CNST: variants seen among roughly 807,000 people sequenced by gnomAD.
The protein encoded by CNST is consortin.
Under a neutral mutation model 72.4 loss-of-function variants are expected in CNST, and 39 were observed. That is an observed-to-expected ratio of 0.54 (90% CI 0.42 to 0.70). The LOEUF (loss-of-function observed/expected upper bound fraction) is 0.70. CNST is among the 30% of genes least tolerant of loss of function. The probability of loss-of-function intolerance (pLI) is 0.00; values close to 1 mark genes in which losing one functional copy is unlikely to be tolerated. For missense variants in CNST, 871 were observed against 868.5 expected (o/e 1.00, Z -0.04); for synonymous variants, 332 against 320.1 (o/e 1.04, Z -0.40).
rs575904003 is a variant in CNST at position 246,576,350 on chromosome 1, G to A, written c.-52+9687G>A. Among the ~76,000 whole-genome samples, 7 of 135,754 alleles carry A rather than the reference G, an allele frequency of 5.2e-5. No individual in the cohort carries two copies. In the East Asian group the frequency reaches 1.6e-3, roughly 31 times the overall value. The allele number at this position is 135,754 out of a possible 152,430, so 89.1% of individuals were successfully genotyped here. On this transcript the variant is annotated intron_variant, in intron 1 of 10. Coordinates refer to ENST00000366513, the MANE Select transcript of CNST (RefSeq NM_152609.3). Reference sequence around the variant, plus strand: ...ACAGTGTATACCGTATTCCACTAGTGAACAAAACTTTAATTTTTACAGAGC... The same window carrying A: ...ACAGTGTATACCGTATTCCACTAGTAAACAAAACTTTAATTTTTACAGAGC...
intron 2 of CNST, among the ~76,000 whole-genome samples, chr1:246,603,534 G>T (rs193027467): frequency 6.6e-6 from 1 of 152,066 alleles, no homozygotes; most frequent in Non-Finnish European, 1.5e-5. Flanking sequence ...TGCGCCTGCC[G>T]CTTAGTTTGT....
chr1:246,622,164 A>G (rs548074109), intron 3 of CNST, among the ~76,000 whole-genome samples: 54 of 152,302 alleles, frequency 3.5e-4, no homozygotes, highest in African/African-American at 1.3e-3. Flanking sequence ...TAGTTTAAAC[A>G]ATGGTTCACT....
chr1:246,650,697 A>ATTTTC (rs1666398440), intron 9 of CNST, among the ~76,000 whole-genome samples: 1 of 28,578 alleles, frequency 3.5e-5, no homozygotes. Context: ...TTTTTTTTTG[A>ATTTTC]TACAGAGTCT....
At chr1:246,613,133 TG>T (rs1359446347) in intron 2 of CNST, among the ~76,000 whole-genome samples, 1 of 152,206 alleles carries the variant, frequency 6.6e-6, no homozygotes, top group East Asian at 1.9e-4. Flanking sequence ...ACGTGCCCGA[TG>T]TCATTGCTGA....
Position 246,647,942 on chromosome 1 carries a change from C to T in CNST, c.1741C>T (p.Pro581Ser). Reference sequence around the variant, plus strand: ...CTCCGATCTCCTTCAAGATCTCTCTCCTGAAGAAGCATCCTATAGTCTCCA... The same window carrying T: ...CTCCGATCTCCTTCAAGATCTCTCTTCTGAAGAAGCATCCTATAGTCTCCA... ...DDSDLLQDLSPEEASYSLQEN... is the reference protein window; with the variant it reads ...DDSDLLQDLSSEEASYSLQEN... The change falls in exon 9 of 11, where the codon CCT (proline) becomes TCT (serine). Residue 581 changes from proline to serine, a missense_variant. Pro to Ser is a moderately conservative substitution (Grantham distance 74, BLOSUM62 -1). Transcript: ENST00000366513. The T allele has an allele frequency of 6.2e-7, 1 of 1,613,448 alleles. No individual in the cohort carries two copies. Among genetic ancestry groups the T allele is most frequent in the South Asian group, 1.1e-5 (1 of 91,080 alleles).
At chr1:246,605,388 C>T (rs1293176637) in intron 2 of CNST, among the ~76,000 whole-genome samples, 1 of 152,206 alleles carries the variant, frequency 6.6e-6, no homozygotes, top group East Asian at 1.9e-4. Flanking sequence ...ACAGCCTGGG[C>T]CGGGCGCGGT....
chr1:246,588,224 T>G (rs1287900818), intron 1 of CNST, among the ~76,000 whole-genome samples: 1 of 152,150 alleles, frequency 6.6e-6, no homozygotes, highest in East Asian at 1.9e-4. Context: ...TTAGAATGAT[T>G]ACTGAAAGGC....
rs531527237 is a variant in CNST at position 246,662,545 on chromosome 1, C to T, written c.1972+2211C>T. ...CTGGGATTACAGGCATGTTCCCCGA[C>T]GCCTGGCTAATTTTTGTACTTTTAG... On this transcript the variant is annotated intron_variant, in intron 10 of 10. Transcript: ENST00000366513. Among the ~76,000 whole-genome samples, 371 of 152,244 alleles carry T rather than the reference C, an allele frequency of 2.4e-3. 1 individual carries two copies. Among genetic ancestry groups the T allele is most frequent in the African/African-American group, 8.0e-3 (332 of 41,538 alleles).
chr1:246,664,847 T>A (rs1667322316), intron 10 of CNST, among the ~76,000 whole-genome samples: 1 of 152,220 alleles, frequency 6.6e-6, no homozygotes, highest in South Asian at 2.1e-4. Context: ...ATGCTGCAGA[T>A]CAGAAGACTT....
intron 6 of CNST, among the ~76,000 whole-genome samples, chr1:246,635,622 C>A (rs1665160892): frequency 6.6e-6 from 1 of 152,200 alleles, no homozygotes; most frequent in African/African-American, 2.4e-5. Flanking sequence ...TAGAGCCAGC[C>A]TGTTTTGATA....
intron 9 of CNST, among the ~76,000 whole-genome samples, chr1:246,658,230 G>C (rs1666873755): frequency 6.6e-6 from 1 of 151,996 alleles, no homozygotes; most frequent in African/African-American, 2.4e-5. Context: ...ATTAATTCTT[G>C]TTTTCCATCT....
At chr1:246,626,283 T>C (rs1015764859) in intron 3 of CNST, among the ~76,000 whole-genome samples, 3 of 151,668 alleles carry the variant, frequency 2.0e-5, no homozygotes, top group Non-Finnish European at 1.5e-5. Context: ...ATTCCTGGCC[T>C]CAAGTGATCT....
At chr1:246,574,077 T>C (rs1056423015) in intron 1 of CNST, among the ~76,000 whole-genome samples, 3 of 152,220 alleles carry the variant, frequency 2.0e-5, no homozygotes, top group Non-Finnish European at 4.4e-5. Context: ...TCTCGCTCTG[T>C]TGCCCAGGCT....
chr1:246,607,785 C>A (rs1177064247), intron 2 of CNST: 6 of 152,204 alleles, frequency 3.9e-5, no homozygotes, highest in East Asian at 3.9e-4. Context: ...TTATTCATCC[C>A]CCCAAGCTTT....
At chr1:246,614,155 T>C (rs1663528633) in intron 2 of CNST, among the ~76,000 whole-genome samples, 1 of 152,174 alleles carries the variant, frequency 6.6e-6, no homozygotes, top group Non-Finnish European at 1.5e-5. Context: ...TATTCGCATA[T>C]ATATAGTGAG....
chr1:246,615,777 C>A (rs1663648976), intron 2 of CNST, among the ~76,000 whole-genome samples: 1 of 151,846 alleles, frequency 6.6e-6, no homozygotes. Flanking sequence ...ACTCGGGAGG[C>A]TGAGGCAGGA....
chr1:246,654,799 T>C (rs1458453027), intron 9 of CNST, among the ~76,000 whole-genome samples: 1 of 146,854 alleles, frequency 6.8e-6, no homozygotes, highest in Admixed American at 7.1e-5. Context: ...CTAGGTGCTA[T>C]CTATATGTAA....
At chr1:246,574,273 C>A (rs1016497974) in intron 1 of CNST, among the ~76,000 whole-genome samples, 2 of 152,198 alleles carry the variant, frequency 1.3e-5, no homozygotes, top group Admixed American at 6.5e-5. Flanking sequence ...GATCTCCTTA[C>A]CTTGTGATCC....
At chr1:246,648,359 A>T in intron 9 of CNST, 1 of 359,590 alleles carries the variant, frequency 2.8e-6, no homozygotes, top group Non-Finnish European at 4.1e-6. Flanking sequence ...CAGAATAGTC[A>T]CATTCTAATA....
Sources: allele counts gnomAD v4.1 joint callset (sites outside exome capture counted in the v4.1 genomes callset), GRCh38; gene constraint gnomAD v4.1.1; transcripts MANE v1.5; gene names NCBI Gene and HGNC (gene_info 2026-07-23, HGNC 2026-07-21).